GABBR2: variants seen among roughly 807,000 people sequenced by gnomAD.
GABBR2 encodes G-protein coupled receptor 51.
Under a neutral mutation model 105.6 loss-of-function variants are expected in GABBR2, and 23 were observed. That is an observed-to-expected ratio of 0.22 (90% confidence interval 0.16 to 0.31). The LOEUF (loss-of-function observed/expected upper bound fraction) is 0.31. GABBR2 is among the 10% of genes least tolerant of loss of function. The pLI is 1.00. For synonymous variants in GABBR2, 478 were observed against 499.7 expected (o/e 0.96, Z 0.58); for missense variants, 734 against 1,245.5 (o/e 0.59, Z 6.18).
At chr9:98,501,694 T>C (rs1451081920) in intron 3 of GABBR2, among the ~76,000 whole-genome samples, 2 of 152,118 alleles carry the variant, frequency 1.3e-5, no homozygotes, top group Admixed American at 6.5e-5. Flanking sequence ...ATGGAGAGTG[T>C]AAAGGTCACA....
At chr9:98,623,540 A>G (rs535179275) in intron 1 of GABBR2, among the ~76,000 whole-genome samples, 1 of 152,270 alleles carries the variant, frequency 6.6e-6, no homozygotes, top group African/African-American at 2.4e-5. Context: ...TCCAGTTGTC[A>G]GCAGGGCAGC....
chr9:98,442,810 G>A (rs1377010192), intron 7 of GABBR2, among the ~76,000 whole-genome samples: 1 of 152,180 alleles, frequency 6.6e-6, no homozygotes, highest in African/African-American at 2.4e-5. Flanking sequence ...CACTGCTGAT[G>A]ATATAGAAAC....
chr9:98,494,285 G>A (rs934225181), intron 4 of GABBR2, among the ~76,000 whole-genome samples: 3 of 152,200 alleles, frequency 2.0e-5, no homozygotes, highest in African/African-American at 7.2e-5. Flanking sequence ...AAAATTAGCA[G>A]AAAGGGACAA....
At chr9:98,409,586 C>T (rs910900636) in intron 7 of GABBR2, among the ~76,000 whole-genome samples, 4 of 152,292 alleles carry the variant, frequency 2.6e-5, no homozygotes, top group African/African-American at 4.8e-5. Context: ...TCCTCCCCAG[C>T]GGCTAGCATC....
rs76356502 is a variant in GABBR2 at position 98,704,106 on chromosome 9, A to G, written c.321+4311T>C. ...AGCTGCCTCTCTCAAACCCGGGGCT[A>G]TGTTTTACACCTTTCTGCAGCATCA... On this transcript the variant is annotated intron_variant, in intron 1 of 18. Transcript: ENST00000259455. Among the ~76,000 whole-genome samples, 466 of 152,296 alleles carry G rather than the reference A, an allele frequency of 3.1e-3. 9 individuals carry two copies. The East Asian group carries it at 0.036, about 12-fold the overall frequency.
chr9:98,622,617 G>A lies in GABBR2; in HGVS notation c.322-44545C>T, dbSNP rs113144793. 3.3e-4 allele frequency among the ~76,000 whole-genome samples: 50 copies of A among 152,260 alleles called. 1 individual carries two copies. The highest frequency in any genetic ancestry group is 1.2e-3 in the African/African-American group (49 of 41,554). On this transcript the variant is annotated intron_variant, in intron 1 of 18. Transcript: ENST00000259455. ...GAGTCAGACTGTATGTCAGACCATG[G>A]CACTCCTCAGCTCAAAACCTTCCTG...
rs142501555 is a variant in GABBR2 at position 98,570,786 on chromosome 9, C to T, written c.459+7149G>A. ...GCGGGGGTTCCTGAGATGGGAGATG[C>T]GGGCTGAGGCTGAGCCCAAGGCTGT... On this transcript the variant is annotated intron_variant, in intron 2 of 18. Coordinates refer to ENST00000259455, the MANE Select transcript of GABBR2 (RefSeq NM_005458.8). 5.0e-4 allele frequency among the ~76,000 whole-genome samples: 76 copies of T among 152,314 alleles called. 1 individual carries two copies. The East Asian group carries it at 0.014, about 27-fold the overall frequency.
chr9:98,657,100 G>A (rs188127899), intron 1 of GABBR2, among the ~76,000 whole-genome samples: 29 of 152,332 alleles, frequency 1.9e-4, no homozygotes, highest in Admixed American at 3.3e-4. Flanking sequence ...ACTGGGCCAC[G>A]TTTACCTGTG....
chr9:98,428,441 A>G (rs1037027007), intron 7 of GABBR2, among the ~76,000 whole-genome samples: 1 of 152,184 alleles, frequency 6.6e-6, no homozygotes, highest in African/African-American at 2.4e-5. Flanking sequence ...TCTTGCCTAT[A>G]TTGAACCAGA....
At chr9:98,532,699 GTGTCTGATTCAC>G (rs1373048880) in intron 3 of GABBR2, among the ~76,000 whole-genome samples, 2 of 152,196 alleles carry the variant, frequency 1.3e-5, no homozygotes, top group Non-Finnish European at 2.9e-5. Context: ...CCATCCCACA[GTGTCTGATTCAC>G]TGGGGCTAGG....
intron 12 of GABBR2, among the ~76,000 whole-genome samples, chr9:98,368,145 C>T (rs985644132): frequency 2.6e-5 from 4 of 152,076 alleles, no homozygotes; most frequent in African/African-American, 9.7e-5. Context: ...AATCATCTTC[C>T]TCTAGATGCC....
At chr9:98,436,319 T>TAA (rs58345068) in intron 7 of GABBR2, among the ~76,000 whole-genome samples, 851 of 45,386 alleles carry the variant, frequency 0.019, 95 homozygotes, top group African/African-American at 0.034. Context: ...AAATATACCA[T>TAA]ATATATATAT....
intron 1 of GABBR2, among the ~76,000 whole-genome samples, chr9:98,691,772 T>G (rs1830685599): frequency 6.6e-6 from 1 of 152,170 alleles, no homozygotes; most frequent in African/African-American, 2.4e-5. Flanking sequence ...CACAGGGTAC[T>G]TCCCACATCT....
chr9:98,495,208 G>C (rs1376337657), intron 4 of GABBR2, among the ~76,000 whole-genome samples: 1 of 152,244 alleles, frequency 6.6e-6, no homozygotes, highest in African/African-American at 2.4e-5. Context: ...CTGCTCTGGA[G>C]GAGGTGGTAG....
At chr9:98,304,206 G>C (rs971778126) in intron 15 of GABBR2, 1 of 152,598 alleles carries the variant, frequency 6.6e-6, no homozygotes, top group Admixed American at 6.5e-5. Flanking sequence ...GCCATGGCCT[G>C]CTGGGCTTTG....
At chr9:98,630,809 A>T (rs1829806480) in intron 1 of GABBR2, among the ~76,000 whole-genome samples, 1 of 152,212 alleles carries the variant, frequency 6.6e-6, no homozygotes, top group South Asian at 2.1e-4. Flanking sequence ...ACCTACCAAT[A>T]CTTTTAAACT....
chr9:98,695,660 G>A (rs1830740281), intron 1 of GABBR2, among the ~76,000 whole-genome samples: 1 of 152,202 alleles, frequency 6.6e-6, no homozygotes. Flanking sequence ...AATCTAGTCA[G>A]TGTGGATCCC....
intron 1 of GABBR2, among the ~76,000 whole-genome samples, chr9:98,623,184 G>C (rs992345289): frequency 6.6e-6 from 1 of 152,212 alleles, no homozygotes; most frequent in African/African-American, 2.4e-5. Context: ...CAGCACTTTG[G>C]GAGGCCGAGG....
chr9:98,315,965 G>A (rs1243108358), intron 13 of GABBR2, among the ~76,000 whole-genome samples: 3 of 152,228 alleles, frequency 2.0e-5, no homozygotes, highest in African/African-American at 4.8e-5. Flanking sequence ...CACTGCACTC[G>A]GCCTGTTCCC....
Sources: gnomAD v4.1 joint callset for allele counts (sites outside exome capture counted in the v4.1 genomes callset) on GRCh38, gnomAD v4.1.1 for gene constraint, MANE v1.5 for transcripts, NCBI Gene and HGNC (gene_info 2026-07-23, HGNC 2026-07-21) for gene names.